COLEC12: variants seen among roughly 807,000 people sequenced by gnomAD.
COLEC12 encodes the protein collectin subfamily member 12, also known as collectin-12.
In COLEC12, 33 loss-of-function variants were observed where a neutral mutation model predicts 71.1. The ratio of observed to expected loss-of-function variants is 0.46; its 90% CI spans 0.35 to 0.62. The LOEUF (loss-of-function observed/expected upper bound fraction) is 0.62. Ranked by LOEUF, COLEC12 falls within the 20% of genes least tolerant of loss-of-function variation. The pLI is 0.00. For synonymous variants in COLEC12, 350 were observed against 353.0 expected (o/e 0.99, Z 0.10); for missense variants, 765 against 916.1 (o/e 0.84, Z 2.13).
At chr18:435,789 T>C (rs1916392050) in intron 2 of COLEC12, among the ~76,000 whole-genome samples, 2 of 152,242 alleles carry the variant, frequency 1.3e-5, no homozygotes, top group African/African-American at 4.8e-5. Context: ...GAAGTTCATT[T>C]GTTTTCAAAA....
At chr18:444,523 A>C (rs1916607901) in intron 2 of COLEC12, among the ~76,000 whole-genome samples, 1 of 152,230 alleles carries the variant, frequency 6.6e-6, no homozygotes, top group South Asian at 2.1e-4. Flanking sequence ...AAAATATAAG[A>C]AGCAGTTTTC....
At chr18:461,550 CTAATTTTT>C (rs1291642270) in intron 2 of COLEC12, among the ~76,000 whole-genome samples, 1 of 152,146 alleles carries the variant, frequency 6.6e-6, no homozygotes, top group African/African-American at 2.4e-5. Context: ...CCATGTCCAG[CTAATTTTT>C]TAATTTTTTA....
intron 2 of COLEC12, among the ~76,000 whole-genome samples, chr18:375,852 T>C (rs1915102171): frequency 1.3e-5 from 2 of 152,200 alleles, no homozygotes; most frequent in African/African-American, 4.8e-5. Flanking sequence ...GTTGAGGAGA[T>C]TAAATGAATT....
Position 319,339 on chromosome 18 carries a change from A to ATATATATAT in COLEC12, c.*705_*706insATATATATA, listed in dbSNP as rs57135576. 9.9e-5 allele frequency: 4 copies of ATATATATAT among 40,526 alleles called. No individual in the cohort carries two copies. The East Asian group carries it at 1.5e-3, about 15-fold the overall frequency. 2.5% of individuals were successfully genotyped at this position (40,526 alleles called of 1,614,324 possible). A position where few individuals can be genotyped will look rare whatever the true frequency, so the allele number is the denominator to read the frequency against. On this transcript the variant is annotated 3_prime_UTR_variant, in exon 10 of 10. Transcript: ENST00000400256. ...GAAACATTAAAAAAAAAAAAAAAAA[A>ATATATATAT]AAATATATATATATATATATATATA...
At chr18:455,278 CTT>C (rs33915278) in intron 2 of COLEC12, among the ~76,000 whole-genome samples, 2,301 of 132,372 alleles carry the variant, frequency 0.017, 7 homozygotes, top group Middle Eastern at 0.042. Flanking sequence ...TTATTTTACG[CTT>C]TTTTTTTTTT....
At chr18:388,329 G>T (rs1178197672) in intron 2 of COLEC12, among the ~76,000 whole-genome samples, 1 of 152,102 alleles carries the variant, frequency 6.6e-6, no homozygotes, top group East Asian at 1.9e-4. Context: ...TAGAGGCCTA[G>T]ATTGATGTTT....
intron 2 of COLEC12, among the ~76,000 whole-genome samples, chr18:392,049 C>T (rs1376883649): frequency 2.0e-5 from 3 of 152,214 alleles, no homozygotes; most frequent in Non-Finnish European, 4.4e-5. Flanking sequence ...CTCTACTAGC[C>T]AGTGTATACC....
intron 2 of COLEC12, among the ~76,000 whole-genome samples, chr18:439,184 T>C (rs1171302761): frequency 6.6e-6 from 1 of 152,238 alleles, no homozygotes; most frequent in Non-Finnish European, 1.5e-5. Flanking sequence ...CAATGGTATA[T>C]TCCTCACTGT....
chr18:376,963 G>A (rs896210572), intron 2 of COLEC12, among the ~76,000 whole-genome samples: 2 of 152,188 alleles, frequency 1.3e-5, no homozygotes, highest in Admixed American at 6.5e-5. Flanking sequence ...TGCCTGAAGC[G>A]TTTTTTATAA....
At chr18:369,153 T>C (rs1914938090) in intron 2 of COLEC12, among the ~76,000 whole-genome samples, 1 of 152,214 alleles carries the variant, frequency 6.6e-6, no homozygotes, top group Non-Finnish European at 1.5e-5. Flanking sequence ...CTCAGCGCCC[T>C]TACCATTTGC....
At chr18:325,140 C>T (rs1913806031) in intron 8 of COLEC12, among the ~76,000 whole-genome samples, 1 of 152,186 alleles carries the variant, frequency 6.6e-6, no homozygotes, top group Non-Finnish European at 1.5e-5. Context: ...CTGCAGTGAG[C>T]TGTGATTGTG....
chr18:410,528 T>A (rs1373233525), intron 2 of COLEC12, among the ~76,000 whole-genome samples: 1 of 151,664 alleles, frequency 6.6e-6, no homozygotes, highest in African/African-American at 2.4e-5. Context: ...AACCTCCACC[T>A]CCTGGGTTCA....
At chr18:361,180 G>A (rs1210991254) in intron 2 of COLEC12, among the ~76,000 whole-genome samples, 7 of 152,238 alleles carry the variant, frequency 4.6e-5, no homozygotes, top group Middle Eastern at 3.4e-3. Context: ...CAGGTTCTGA[G>A]CTAGATCCCT....
intron 1 of COLEC12, among the ~76,000 whole-genome samples, chr18:487,135 C>T (rs1287762278): frequency 1.3e-5 from 2 of 151,888 alleles, no homozygotes; most frequent in African/African-American, 2.4e-5. Flanking sequence ...TATTATTCAG[C>T]AATAAAAAAT....
At chr18:375,295 G>A (rs1915088967) in intron 2 of COLEC12, among the ~76,000 whole-genome samples, 1 of 152,144 alleles carries the variant, frequency 6.6e-6, no homozygotes, top group Non-Finnish European at 1.5e-5. Context: ...AACACACCAG[G>A]CCTGCCACCA....
At chr18:468,204 G>A (rs1216059267) in intron 2 of COLEC12, among the ~76,000 whole-genome samples, 2 of 150,456 alleles carry the variant, frequency 1.3e-5, no homozygotes, top group African/African-American at 4.9e-5. Flanking sequence ...GGAGGTTGCA[G>A]TGAGCCGAGA....
chr18:421,819 A>G (rs1340323726), intron 2 of COLEC12, among the ~76,000 whole-genome samples: 1 of 152,200 alleles, frequency 6.6e-6, no homozygotes, highest in East Asian at 1.9e-4. Context: ...ATTTTAAAAT[A>G]TCTCCAACTT....
intron 4 of COLEC12, 97 bp from the exon 5 acceptor site, chr18:347,438 T>C (rs1396957191): frequency 2.0e-6 from 2 of 991,694 alleles, no homozygotes; most frequent in Admixed American, 2.3e-5. Context: ...ATGCACTGTA[T>C]TTTAGATGCA....
intron 5 of COLEC12, among the ~76,000 whole-genome samples, chr18:342,759 T>A (rs1192568620): frequency 6.6e-6 from 1 of 152,194 alleles, no homozygotes; most frequent in African/African-American, 2.4e-5. Flanking sequence ...AGCAGCTTGG[T>A]TGGCTTGGGA....
Sources: allele counts gnomAD v4.1 joint callset (sites outside exome capture counted in the v4.1 genomes callset), GRCh38; gene constraint gnomAD v4.1.1; transcripts MANE v1.5; gene names NCBI Gene and HGNC (gene_info 2026-07-23, HGNC 2026-07-21).